The following DTL variants were observed in gnomAD, a reference collection of about 807,000 sequenced individuals.
DTL encodes the protein denticleless protein homolog.
A neutral mutation model predicts 87.0 loss-of-function variants in DTL; 46 were observed. The ratio of observed to expected loss-of-function variants is 0.53; its 90% CI spans 0.42 to 0.68. The LOEUF (loss-of-function observed/expected upper bound fraction) is 0.68. Among genes scored for constraint, DTL ranks in the 30% least tolerant of loss-of-function variants. The pLI is 0.00. For synonymous variants in DTL, 308 were observed against 311.2 expected (o/e 0.99, Z 0.11); for missense variants, 737 against 869.4 (o/e 0.85, Z 1.91).
Position 212,100,403 on chromosome 1 carries a change from C to T in DTL, c.1413C>T (p.Thr471=). The T allele has an allele frequency of 6.2e-7, 1 of 1,613,936 alleles. No homozygotes were observed. The highest frequency in any genetic ancestry group is 8.5e-7 in the Non-Finnish European group (1 of 1,179,980). The part of the protein sequence containing the change: ...PSNTPTFSIK[T]SPAKARSPIN... Reference sequence around the variant, plus strand: ...ATACTCCTACGTTCTCTATTAAAACCTCTCCTGCCAAGGCCCGGTCTCCCA... The same window carrying T: ...ATACTCCTACGTTCTCTATTAAAACTTCTCCTGCCAAGGCCCGGTCTCCCA... Residue 471 remains threonine, a synonymous_variant, in exon 14 of 15, where the codon ACC becomes ACT. Coordinates refer to ENST00000366991, the MANE Select transcript of DTL (RefSeq NM_016448.4).
chr1:212,062,736 T>C, intron 5 of DTL, 148 bp from the exon 6 acceptor site: 1 of 581,324 alleles, frequency 1.7e-6, no homozygotes, highest in East Asian at 3.0e-5. Context: ...TCCTATTTGT[T>C]ATTGAGCCAT....
intron 10 of DTL, among the ~76,000 whole-genome samples, chr1:212,069,548 A>ATTT (rs397863295): frequency 1.0e-3 from 147 of 144,600 alleles, no homozygotes; most frequent in African/African-American, 3.7e-3. Flanking sequence ...ATAGATATAA[A>ATTT]TTTTTTTTTT....
intron 13 of DTL, among the ~76,000 whole-genome samples, chr1:212,087,357 G>A (rs1209713216): frequency 1.3e-5 from 2 of 152,086 alleles, no homozygotes; most frequent in Admixed American, 1.3e-4. Context: ...GACCATCCTG[G>A]CTAACATGGT....
chr1:212,068,152 A>T, intron 8 of DTL, 72 bp from the exon 9 acceptor site: 2 of 916,762 alleles, frequency 2.2e-6, no homozygotes, highest in Non-Finnish European at 3.4e-6. Context: ...AAGTCATTTC[A>T]CATTTAGTGT....
intron 13 of DTL, among the ~76,000 whole-genome samples, chr1:212,097,651 G>A (rs527829349): frequency 6.6e-6 from 1 of 151,926 alleles, no homozygotes; most frequent in South Asian, 2.1e-4. Flanking sequence ...TTAAATTTAA[G>A]TTGGTTTTCA....
chr1:212,080,411 TAA>T (rs1316961473), intron 12 of DTL: 2 of 474,464 alleles, frequency 4.2e-6, no homozygotes, highest in Admixed American at 3.4e-5. Flanking sequence ...AAGAATAAAC[TAA>T]AGAGTCAGCT....
At chr1:212,072,237 A>G (rs1215501824) in intron 11 of DTL, 24 bp downstream of exon 11, 2 of 1,542,616 alleles carry the variant, frequency 1.3e-6, no homozygotes, top group African/African-American at 1.4e-5. Flanking sequence ...CTTCACCCAC[A>G]AGTGTTAGAC....
At chr1:212,063,491 A>G (rs553268575) in intron 6 of DTL, among the ~76,000 whole-genome samples, 26 of 151,890 alleles carry the variant, frequency 1.7e-4, no homozygotes, top group Admixed American at 2.6e-4. Context: ...GGGTTTCACT[A>G]TGTTGGCCAG....
chr1:212,066,060 C>A (rs1478771728), intron 7 of DTL, among the ~76,000 whole-genome samples: 2 of 152,110 alleles, frequency 1.3e-5, no homozygotes, highest in Non-Finnish European at 2.9e-5. Flanking sequence ...GAACATAGTA[C>A]CACTCTAATA....
intron 10 of DTL, among the ~76,000 whole-genome samples, chr1:212,069,548 ATT>A (rs397863295): frequency 2.1e-5 from 3 of 144,564 alleles, no homozygotes; most frequent in Admixed American, 6.9e-5. Flanking sequence ...ATAGATATAA[ATT>A]TTTTTTTTTT....
In DTL at chr1:212,100,779, G is replaced by T. The variant is rs778288480; in HGVS notation, c.1789G>T (p.Asp597Tyr). Reference sequence around the variant, plus strand: ...GTGCTGCCTTGCTGGTAACCAGGAAGACCTTAGTAAGGACTCTCTAGGTCC... The same window carrying T: ...GTGCTGCCTTGCTGGTAACCAGGAATACCTTAGTAAGGACTCTCTAGGTCC... ...DLCCLAGNQE[D>Y]LSKDSLGPTK... The change falls in exon 14 of 15, where the codon GAC becomes TAC. Residue 597 changes from aspartate (D) to tyrosine (Y), a missense_variant. Transcript: ENST00000366991. 37 of 1,614,050 alleles carry T rather than the reference G, an allele frequency of 2.3e-5. 2 individuals carry two copies. In the South Asian group the frequency reaches 3.1e-4, roughly 13 times the overall value.
chr1:212,063,362 C>T (rs1340347828), intron 6 of DTL, among the ~76,000 whole-genome samples: 1 of 150,356 alleles, frequency 6.7e-6, no homozygotes, highest in African/African-American at 2.5e-5. Context: ...GAACTTGGCT[C>T]ACTGCACTCC....
At chr1:212,097,763 C>G (rs1655492933) in intron 13 of DTL, among the ~76,000 whole-genome samples, 2 of 152,092 alleles carry the variant, frequency 1.3e-5, no homozygotes, top group Admixed American at 1.3e-4. Flanking sequence ...TGCTGGTAAG[C>G]TAGTATAATC....
chr1:212,050,701 A>G (rs551435130), intron 5 of DTL, among the ~76,000 whole-genome samples: 4 of 138,746 alleles, frequency 2.9e-5, no homozygotes, highest in South Asian at 2.4e-4. Flanking sequence ...CTCCCTCTCT[A>G]TTGGCTGTTT....
rs17853180 is a variant in DTL at position 212,102,934 on chromosome 1, A to G, written c.2187A>G (p.Glu729=). The G allele has an allele frequency of 0.06, 94,437 of 1,578,328 alleles. 3,884 individuals are homozygous for G. The highest frequency in any genetic ancestry group is 0.19 in the East Asian group (8,339 of 44,404). ...EDFCGPEHST[E]L Reference sequence around the variant, plus strand: ...TCTGTGGTCCTGAACACTCAACAGAATTATAGATTCTAATCTGAGTGAGTT... The same window carrying G: ...TCTGTGGTCCTGAACACTCAACAGAGTTATAGATTCTAATCTGAGTGAGTT... The change falls in exon 15 of 15, where the codon GAA becomes GAG. Residue 729 remains glutamate (E), a synonymous_variant. Coordinates refer to ENST00000366991, the MANE Select transcript of DTL (RefSeq NM_016448.4).
Position 212,043,069 on chromosome 1 carries a change from T to A in DTL, c.129T>A (p.Tyr43Ter). 6.2e-7 allele frequency: 1 copy of A among 1,613,518 alleles called. No homozygotes were observed. The highest frequency in any genetic ancestry group is 8.5e-7 in the Non-Finnish European group (1 of 1,179,692). The change falls in exon 2 of 15, where the codon TAT becomes TAA. Residue 43 changes from tyrosine to a stop codon, truncating the protein, a stop_gained. Coordinates refer to ENST00000366991, the MANE Select transcript of DTL (RefSeq NM_016448.4). LOFTEE classifies it high-confidence loss of function. ...QCSGNDEHTS[Y>*]GETGVPVPPF... ...GTGGTAATGATGAACACACTTCTTA[T>A]GGAGAAACAGGAGTCCCAGTTCCTC... is the stretch of plus-strand genomic sequence containing the variant.
At chr1:212,042,447 A>G (rs1571937935) in intron 1 of DTL, among the ~76,000 whole-genome samples, 1 of 152,376 alleles carries the variant, frequency 6.6e-6, no homozygotes, top group Admixed American at 6.5e-5. Flanking sequence ...TTTCTCTAAT[A>G]TAATTTAAGG....
intron 5 of DTL, among the ~76,000 whole-genome samples, chr1:212,054,474 G>C (rs929481424): frequency 2.0e-5 from 3 of 151,240 alleles, no homozygotes; most frequent in Non-Finnish European, 4.4e-5. Context: ...TAAAGATGTT[G>C]ACTCTCCTCC....
In DTL at chr1:212,103,261, G is replaced by A. The variant is rs1349608060; in HGVS notation, c.*321G>A. 1 of 161,234 alleles carries A rather than the reference G, an allele frequency of 6.2e-6. No individual in the cohort carries two copies. The highest frequency in any genetic ancestry group is 1.3e-5 in the Non-Finnish European group (1 of 74,266). The allele number at this position is 161,234 out of a possible 1,614,324, so 10.0% of individuals were successfully genotyped here. The stretch of plus-strand genomic sequence containing the variant: ...TATAATAATGACATCCCAGTTCATG[G>A]AGGCAAAAAACAAGTTTCTTGTTAT... On this transcript the variant is annotated 3_prime_UTR_variant, in exon 15 of 15. Transcript: ENST00000366991.
Sources: allele counts gnomAD v4.1 joint callset (sites outside exome capture counted in the v4.1 genomes callset), GRCh38; gene constraint gnomAD v4.1.1; transcripts MANE v1.5; gene names NCBI Gene and HGNC (gene_info 2026-07-23, HGNC 2026-07-21).